Variants in ATE1 observed in about 807,000 individuals in gnomAD.
ATE1 encodes arginyltransferase 1.
A neutral mutation model predicts 70.5 loss-of-function variants in ATE1; 36 were observed. The ratio of observed to expected loss-of-function variants is 0.51; its 90% CI spans 0.39 to 0.67. ATE1 has a LOEUF of 0.67. Among genes scored for constraint, ATE1 ranks in the 30% least tolerant of loss-of-function variants. The probability of loss-of-function intolerance (pLI) is 0.00; values close to 1 mark genes in which losing one functional copy is unlikely to be tolerated. For synonymous variants in ATE1, 232 were observed against 219.3 expected, an observed-to-expected ratio of 1.06 and a Z score of -0.51; for missense variants, 593 against 629.5, an observed-to-expected ratio of 0.94 and a Z score of 0.62.
intron 10 of ATE1, among the ~76,000 whole-genome samples, chr10:121,821,034 C>T (rs1174593221): frequency 6.6e-6 from 1 of 152,206 alleles, no homozygotes; most frequent in African/African-American, 2.4e-5. Flanking sequence ...CTCCACCTCC[C>T]AGGTTCACGC....
intron 8 of ATE1, among the ~76,000 whole-genome samples, chr10:121,854,213 C>T (rs1949160659): frequency 1.3e-5 from 2 of 152,078 alleles, no homozygotes; most frequent in Non-Finnish European, 2.9e-5. Flanking sequence ...TGGTTTACCA[C>T]CATATAAGAC....
At chr10:121,870,545 C>T (rs768231207) in intron 7 of ATE1, among the ~76,000 whole-genome samples, 1 of 152,166 alleles carries the variant, frequency 6.6e-6, no homozygotes, top group East Asian at 1.9e-4. Context: ...TTTAGCTCCA[C>T]AATTTGGCAT....
chr10:121,867,526 G>A (rs183848407), intron 8 of ATE1, among the ~76,000 whole-genome samples: 3 of 152,124 alleles, frequency 2.0e-5, no homozygotes, highest in African/African-American at 4.8e-5. Context: ...GTTAGATGCC[G>A]TTTCCACATC....
chr10:121,832,846 T>C (rs1221006028), intron 10 of ATE1, among the ~76,000 whole-genome samples: 2 of 152,230 alleles, frequency 1.3e-5, no homozygotes, highest in Non-Finnish European at 2.9e-5. Context: ...AGTATTGGTA[T>C]TCAGTAATAT....
intron 7 of ATE1, among the ~76,000 whole-genome samples, chr10:121,876,038 C>T (rs768780776): frequency 1.1e-4 from 17 of 152,198 alleles, no homozygotes; most frequent in Non-Finnish European, 2.5e-4. Context: ...ACTGAAAATA[C>T]TCAGTGTGGC....
At position 121,784,132 on chromosome 10, in the gene ATE1, T is replaced by C. The variant is rs148785483; in HGVS notation, c.1378+6037A>G. On this transcript the variant is annotated intron_variant, in intron 11 of 11. Transcript: ENST00000224652. ...AGAGAAATATTACTTAGTTGCTAAATGGAAATCTTAAGTCTGCTTTTCAAA... is the reference window on the plus strand; with the variant it reads ...AGAGAAATATTACTTAGTTGCTAAACGGAAATCTTAAGTCTGCTTTTCAAA... Among the ~76,000 whole-genome samples, 45 of 152,374 alleles carry C rather than the reference T, an allele frequency of 3.0e-4. No individual in the cohort carries two copies. In the East Asian group the frequency reaches 7.3e-3, roughly 25 times the overall value.
intron 8 of ATE1, among the ~76,000 whole-genome samples, chr10:121,849,487 C>A (rs1035788940): frequency 6.6e-6 from 1 of 152,202 alleles, no homozygotes; most frequent in Admixed American, 6.5e-5. Flanking sequence ...TCCCATCTCT[C>A]AATTCCTGTG....
intron 10 of ATE1, among the ~76,000 whole-genome samples, chr10:121,811,912 AG>A (rs1947333190): frequency 6.6e-6 from 1 of 151,596 alleles, no homozygotes; most frequent in East Asian, 1.9e-4. Flanking sequence ...GAATACGGAA[AG>A]GGCAGAAATT....
At chr10:121,924,972 A>G (rs1952029970) in intron 1 of ATE1, among the ~76,000 whole-genome samples, 1 of 152,232 alleles carries the variant, frequency 6.6e-6, no homozygotes, top group South Asian at 2.1e-4. Flanking sequence ...AATATCCCCA[A>G]TGATTTAACA....
At chr10:121,899,737 G>A in intron 7 of ATE1, 129 bp downstream of exon 7, 2 of 1,365,542 alleles carry the variant, frequency 1.5e-6, no homozygotes, top group Non-Finnish European at 9.9e-7. Context: ...TCAGTCTTAG[G>A]TCTTTGCAGA....
chr10:121,888,168 G>A (rs1950464446), intron 7 of ATE1, among the ~76,000 whole-genome samples: 3 of 152,214 alleles, frequency 2.0e-5, no homozygotes, highest in Non-Finnish European at 4.4e-5. Flanking sequence ...GCCAAGGTGG[G>A]CGGATCCCAA....
At chr10:121,851,734 G>A (rs1264585073) in intron 8 of ATE1, among the ~76,000 whole-genome samples, 4 of 152,186 alleles carry the variant, frequency 2.6e-5, no homozygotes. Context: ...CCAGTCTGCA[G>A]TTTTGCATAT....
Position 121,742,364 on chromosome 10 carries a change from T to C in ATE1, c.*1316A>G, listed in dbSNP as rs1045393661. Reference sequence around the variant, plus strand: ...ATTCAAACTACCATGTTTTATAACATGGCTTTTAAGAAACGATGAACCAAA... The same window carrying C: ...ATTCAAACTACCATGTTTTATAACACGGCTTTTAAGAAACGATGAACCAAA... On this transcript the variant is annotated 3_prime_UTR_variant, in exon 12 of 12. Coordinates refer to ENST00000224652, the MANE Select transcript of ATE1 (RefSeq NM_001001976.3). 6.6e-6 allele frequency: 1 copy of C among 152,200 alleles called. No homozygotes were observed. The allele number at this position is 152,200 out of a possible 1,614,324, so 9.4% of individuals were successfully genotyped here.
At chr10:121,879,335 C>T (rs1377050961) in intron 7 of ATE1, among the ~76,000 whole-genome samples, 1 of 152,184 alleles carries the variant, frequency 6.6e-6, no homozygotes, top group Non-Finnish European at 1.5e-5. Flanking sequence ...TTCCTGATAT[C>T]CTTATCTATT....
intron 10 of ATE1, among the ~76,000 whole-genome samples, chr10:121,822,023 A>G (rs1287076294): frequency 6.6e-6 from 1 of 152,198 alleles, no homozygotes; most frequent in African/African-American, 2.4e-5. Flanking sequence ...CGCATACCCT[A>G]TGATCTGGCG....
intron 7 of ATE1, among the ~76,000 whole-genome samples, chr10:121,882,212 G>C (rs1037369868): frequency 1.3e-5 from 2 of 151,982 alleles, no homozygotes; most frequent in Non-Finnish European, 2.9e-5. Context: ...TTTTTTATTT[G>C]AATAGGCTGA....
At chr10:121,860,621 T>C (rs527857204) in intron 8 of ATE1, among the ~76,000 whole-genome samples, 1 of 152,360 alleles carries the variant, frequency 6.6e-6, no homozygotes, top group South Asian at 2.1e-4. Flanking sequence ...TAAATGTTTT[T>C]AATAAGTTGG....
At chr10:121,912,174 G>GCCA (rs772246672) in intron 4 of ATE1, among the ~76,000 whole-genome samples, 1 of 152,040 alleles carries the variant, frequency 6.6e-6, no homozygotes, top group Non-Finnish European at 1.5e-5. Flanking sequence ...ACAGGTGTGA[G>GCCA]CCACCACACC....
chr10:121,809,894 A>C (rs754404313), intron 10 of ATE1, among the ~76,000 whole-genome samples: 32 of 152,138 alleles, frequency 2.1e-4, no homozygotes, highest in Non-Finnish European at 4.4e-4. Context: ...AAACAAAACA[A>C]AACAAAACAA....
Sources: allele counts gnomAD v4.1 joint callset (sites outside exome capture counted in the v4.1 genomes callset), GRCh38; gene constraint gnomAD v4.1.1; transcripts MANE v1.5; gene names NCBI Gene and HGNC (gene_info 2026-07-23, HGNC 2026-07-21).